NRXN3: variants seen among roughly 807,000 people sequenced by gnomAD.
The protein encoded by NRXN3 is neurexin III.
NRXN3 carries 32 observed loss-of-function variants against 137.6 expected under a neutral mutation model. That is an observed-to-expected ratio of 0.23 (90% CI 0.18 to 0.31). NRXN3 has a LOEUF of 0.31. Ranked by LOEUF, NRXN3 falls within the 10% of genes least tolerant of loss-of-function variation. The pLI is 1.00. For synonymous variants in NRXN3, 798 were observed against 784.5 expected (o/e 1.02, Z -0.29); for missense variants, 1,574 against 2,062.5 (o/e 0.76, Z 4.59).
At chr14:79,750,613 G>A (rs573210571) in intron 19 of NRXN3, among the ~76,000 whole-genome samples, 1 of 152,222 alleles carries the variant, frequency 6.6e-6, no homozygotes, top group South Asian at 2.1e-4. Flanking sequence ...GAACCTGGGG[G>A]TACTGATTTT....
At chr14:79,744,781 A>G (rs1397984806) in intron 19 of NRXN3, among the ~76,000 whole-genome samples, 1 of 152,108 alleles carries the variant, frequency 6.6e-6, no homozygotes, top group African/African-American at 2.4e-5. Context: ...AGCACATTAT[A>G]TTGTTAAGAA....
chr14:78,352,208 C>A (rs2083630250), intron 4 of NRXN3, among the ~76,000 whole-genome samples: 1 of 152,026 alleles, frequency 6.6e-6, no homozygotes, highest in Admixed American at 6.6e-5. Flanking sequence ...GTGTGTGGTG[C>A]AAGAAGTAGG....
chr14:79,563,778 A>G (rs1257761877), intron 16 of NRXN3, among the ~76,000 whole-genome samples: 1 of 152,012 alleles, frequency 6.6e-6, no homozygotes, highest in Non-Finnish European at 1.5e-5. Context: ...CAGTTCTGCA[A>G]CCTGAATACA....
intron 4 of NRXN3, among the ~76,000 whole-genome samples, chr14:78,583,877 C>A (rs541171562): frequency 3.3e-5 from 5 of 152,166 alleles, no homozygotes; most frequent in Non-Finnish European, 4.4e-5. Flanking sequence ...GACTGTGGAC[C>A]CTTCCAAACA....
intron 16 of NRXN3, among the ~76,000 whole-genome samples, chr14:79,589,219 C>T (rs745453786): frequency 3.9e-5 from 6 of 152,162 alleles, no homozygotes; most frequent in Non-Finnish European, 8.8e-5. Flanking sequence ...CATGCCCCTG[C>T]ACCCCAGCCT....
At chr14:79,590,842 A>G (rs2097796976) in intron 16 of NRXN3, among the ~76,000 whole-genome samples, 1 of 152,168 alleles carries the variant, frequency 6.6e-6, no homozygotes. Context: ...CTGCTTTTGC[A>G]TCAAATTTCA....
chr14:78,255,704 G>C (rs943753914), intron 2 of NRXN3, among the ~76,000 whole-genome samples: 1 of 152,214 alleles, frequency 6.6e-6, no homozygotes, highest in Non-Finnish European at 1.5e-5. Flanking sequence ...TGCACTTACA[G>C]GCTTGTTTGC....
chr14:79,706,026 C>CCA (rs1278973315), intron 19 of NRXN3, among the ~76,000 whole-genome samples: 2 of 152,130 alleles, frequency 1.3e-5, no homozygotes, highest in Non-Finnish European at 2.9e-5. Flanking sequence ...AGTCCACAGG[C>CCA]CACACAATAT....
At chr14:78,513,860 TTCATCAGTTTTTCCCCA>T (rs957388467) in intron 4 of NRXN3, among the ~76,000 whole-genome samples, 6 of 152,134 alleles carry the variant, frequency 3.9e-5, no homozygotes, top group African/African-American at 1.4e-4. Flanking sequence ...ACTGGGTTAT[TTCATCAGTTTTTCCCCA>T]TCTCTCCATA....
intron 1 of NRXN3, among the ~76,000 whole-genome samples, chr14:78,191,841 T>G: frequency 6.6e-6 from 1 of 152,148 alleles, no homozygotes; most frequent in Admixed American, 6.5e-5. Flanking sequence ...GAAACTGGGA[T>G]GAGCAGGGGA....
chr14:78,691,488 A>G (rs2098169949), intron 6 of NRXN3, among the ~76,000 whole-genome samples: 1 of 152,196 alleles, frequency 6.6e-6, no homozygotes. Context: ...ATTATTAGAT[A>G]CCAAGATAAG....
intron 4 of NRXN3, among the ~76,000 whole-genome samples, chr14:78,400,876 C>G (rs1433341147): frequency 1.3e-5 from 2 of 152,120 alleles, no homozygotes; most frequent in East Asian, 1.9e-4. Flanking sequence ...TGATGAAAAC[C>G]ATCTTCATCT....
chr14:79,012,362 C>G (rs2099572699), intron 15 of NRXN3, among the ~76,000 whole-genome samples: 1 of 151,974 alleles, frequency 6.6e-6, no homozygotes, highest in Non-Finnish European at 1.5e-5. Flanking sequence ...AGAAGAATGA[C>G]TAGACTGAGA....
chr14:79,306,540 C>T (rs1315586340), intron 15 of NRXN3, among the ~76,000 whole-genome samples: 1 of 152,058 alleles, frequency 6.6e-6, no homozygotes, highest in African/African-American at 2.4e-5. Context: ...TAATACAAGG[C>T]TATTTGTTTG....
At chr14:78,460,268 G>A (rs1457221935) in intron 4 of NRXN3, among the ~76,000 whole-genome samples, 1 of 152,188 alleles carries the variant, frequency 6.6e-6, no homozygotes, top group Non-Finnish European at 1.5e-5. Context: ...GGGTTTTTGT[G>A]GAGGCTTCAT....
chr14:79,472,088 C>T (rs917642871), intron 16 of NRXN3, among the ~76,000 whole-genome samples: 5 of 152,096 alleles, frequency 3.3e-5, no homozygotes, highest in Non-Finnish European at 7.4e-5. Context: ...GGAGAACATG[C>T]AGTATTTGGT....
intron 10 of NRXN3, among the ~76,000 whole-genome samples, chr14:78,845,905 G>GT (rs2099025359): frequency 3.4e-5 from 5 of 146,236 alleles, no homozygotes; most frequent in Non-Finnish European, 6.1e-5. Context: ...AGTATGTTGG[G>GT]GTGTGTGTGT....
rs567498674 is a variant in NRXN3, at chr14:79,669,397, G to A, written c.3616+5448G>A. Among the ~76,000 whole-genome samples, 13 of 152,190 alleles carry A rather than the reference G, an allele frequency of 8.5e-5. No individual in the cohort carries two copies. The South Asian group carries it at 1.4e-3, about 17-fold the overall frequency. On this transcript the variant is annotated intron_variant, in intron 17 of 20. Coordinates refer to ENST00000335750, the MANE Select transcript of NRXN3 (RefSeq NM_001330195.2). ...GTGCTCCAACATTCAGTCACAAAAT[G>A]TATCAATTAATCACTCAAACTAGTG...
At chr14:78,680,099 G>C (rs1353064984) in intron 6 of NRXN3, among the ~76,000 whole-genome samples, 1 of 151,842 alleles carries the variant, frequency 6.6e-6, no homozygotes, top group East Asian at 1.9e-4. Context: ...TGGAACTGGA[G>C]GCCATTATCC....
Sources: gnomAD v4.1 joint callset for allele counts (sites outside exome capture counted in the v4.1 genomes callset) on GRCh38, gnomAD v4.1.1 for gene constraint, MANE v1.5 for transcripts, NCBI Gene and HGNC (gene_info 2026-07-23, HGNC 2026-07-21) for gene names.